Variants in BCAS3 observed in about 807,000 individuals in gnomAD.
BCAS3 encodes the protein BCAS3 microtubule associated cell migration factor, also known as BCAS4/BCAS3 fusion.
Under a neutral mutation model 116.1 loss-of-function variants are expected in BCAS3, and 53 were observed. That is an observed-to-expected ratio of 0.46 (90% CI 0.37 to 0.57). BCAS3 has a LOEUF of 0.57. Ranked by LOEUF, BCAS3 falls within the 20% of genes least tolerant of loss-of-function variation. BCAS3 has a pLI of 0.00. For missense variants in BCAS3, 917 were observed against 1,165.4 expected, an observed-to-expected ratio of 0.79 and a Z score of 3.10; for synonymous variants, 391 against 408.2, an observed-to-expected ratio of 0.96 and a Z score of 0.51.
At chr17:60,775,310 A>G (rs2045165813) in intron 6 of BCAS3, among the ~76,000 whole-genome samples, 1 of 152,138 alleles carries the variant, frequency 6.6e-6, no homozygotes, top group Non-Finnish European at 1.5e-5. Context: ...TAGGTAAAGG[A>G]GTCTTAAACT....
At position 60,956,529 on chromosome 17, in the gene BCAS3, G is replaced by T. The variant is rs570426061; in HGVS notation, c.1221+9177G>T. 3.1e-4 allele frequency among the ~76,000 whole-genome samples: 47 copies of T among 152,120 alleles called. No homozygotes were observed. Among genetic ancestry groups the T allele is most frequent in the African/African-American group, 1.1e-3 (47 of 41,492 alleles). ...TAACACCTATTTTTGATACCTCTTT[G>T]TATTAAAGTTATTTGCCATTTAATT... is the stretch of plus-strand genomic sequence containing the variant. On this transcript the variant is annotated intron_variant, in intron 14 of 23. Coordinates refer to ENST00000407086, the MANE Select transcript of BCAS3 (RefSeq NM_017679.5). The surrounding 1 kb of genome is among the most constrained non-coding windows in gnomAD (Gnocchi z 4.2).
Position 60,947,330 on chromosome 17 carries a change from A to C in BCAS3, c.1199A>C (p.His400Pro). Residue 400 changes from histidine to proline, a missense_variant, in exon 14 of 24, where the codon CAC becomes CCC. By Grantham distance (77) the His-to-Pro change is moderately conservative. Transcript: ENST00000407086. The stretch of plus-strand genomic sequence containing the variant: ...GCTGTCCACCATCTGTATACTCTTC[A>C]CAGGGGAGAAACTGAAGCCAAAGTA... ...QCAVHHLYTL[H>P]RGETEAKVQD... The C allele has an allele frequency of 6.2e-7, 1 of 1,613,442 alleles. No homozygotes were observed. The highest frequency in any genetic ancestry group is 8.5e-7 in the Non-Finnish European group (1 of 1,179,698).
chr17:61,391,948 C>T lies in BCAS3; in HGVS notation c.2594-29C>T. The T allele has an allele frequency of 6.2e-7, 1 of 1,608,498 alleles. No individual in the cohort carries two copies. Among genetic ancestry groups the T allele is most frequent in the South Asian group, 1.1e-5 (1 of 90,542 alleles). On this transcript the variant is annotated intron_variant, in intron 23 of 23. Transcript: ENST00000407086. The surrounding 1 kb of genome is among the most constrained non-coding windows in gnomAD (Gnocchi z 7.7). ...CCCACTCCCCAGACCCAACTCTAAC[C>T]AGGCCTGGCCCTCTCCTGTGTCTTG... is the stretch of plus-strand genomic sequence containing the variant.
At chr17:61,081,376 G>T (rs573034631) in intron 21 of BCAS3, among the ~76,000 whole-genome samples, 1 of 151,836 alleles carries the variant, frequency 6.6e-6, no homozygotes, top group South Asian at 2.1e-4. Flanking sequence ...ATTCTAACTC[G>T]CTTCTTTTAA....
intron 6 of BCAS3, among the ~76,000 whole-genome samples, chr17:60,770,324 C>T (rs2044536934): frequency 6.6e-6 from 1 of 150,992 alleles, no homozygotes; most frequent in African/African-American, 2.4e-5. Context: ...AGTTCATAGT[C>T]CATCCCAGCT....
At chr17:61,155,495 A>C (rs1353867972) in intron 22 of BCAS3, among the ~76,000 whole-genome samples, 1 of 11,866 alleles carries the variant, frequency 8.4e-5, no homozygotes. Flanking sequence ...GAGTGGTAGC[A>C]AAAAAAAAAA....
chr17:60,679,397 C>T, intron 1 of BCAS3, 56 bp from the exon 2 acceptor site: 5 of 1,359,806 alleles, frequency 3.7e-6, no homozygotes, highest in East Asian at 2.3e-5. Context: ...CCTCCCTACC[C>T]CCAACAACGA....
At chr17:60,757,109 G>C (rs2043056842) in intron 6 of BCAS3, among the ~76,000 whole-genome samples, 1 of 151,876 alleles carries the variant, frequency 6.6e-6, no homozygotes, top group Non-Finnish European at 1.5e-5. Flanking sequence ...GTTGCAATGA[G>C]CCGAGATCGC....
At chr17:60,785,350 G>A (rs983516053) in intron 6 of BCAS3, among the ~76,000 whole-genome samples, 1 of 151,812 alleles carries the variant, frequency 6.6e-6, no homozygotes, top group African/African-American at 2.4e-5. Flanking sequence ...GTAGAAATCG[G>A]GTTTCACCAT....
intron 6 of BCAS3, among the ~76,000 whole-genome samples, chr17:60,784,173 A>G (rs2046073597): frequency 6.6e-6 from 1 of 152,062 alleles, no homozygotes; most frequent in South Asian, 2.1e-4. Flanking sequence ...AAAGGAGTGC[A>G]GCATTTATAC....
chr17:61,164,644 G>C (rs920868524), intron 22 of BCAS3, among the ~76,000 whole-genome samples: 1 of 152,178 alleles, frequency 6.6e-6, no homozygotes, highest in Admixed American at 6.5e-5. Context: ...TGCTTGCTCT[G>C]TCACATGCTT....
rs961260252 is a variant in BCAS3, at chr17:61,391,777, G to A, written c.2594-200G>A. 1.6e-6 allele frequency: 1 copy of A among 616,380 alleles called. No individual in the cohort carries two copies. The highest frequency in any genetic ancestry group is 2.0e-5 in the South Asian group (1 of 51,252). 38.2% of individuals were successfully genotyped at this position (616,380 alleles called of 1,614,324 possible). ...CTCTCACACCAGAGTCTGCCAGCCA[G>A]GGGGCTTTCCCTCCCCTGGCTGAGC... is the stretch of plus-strand genomic sequence containing the variant. On this transcript the variant is annotated intron_variant, in intron 23 of 23. Coordinates refer to ENST00000407086, the MANE Select transcript of BCAS3 (RefSeq NM_017679.5). The surrounding 1 kb of genome is among the most constrained non-coding windows in gnomAD (Gnocchi z 7.7).
Position 60,913,185 on chromosome 17 carries a change from T to C in BCAS3, c.993+2483T>C, listed in dbSNP as rs577388457. Among the ~76,000 whole-genome samples the C allele has an allele frequency of 3.3e-5, 5 of 152,208 alleles. No individual in the cohort carries two copies. The East Asian group carries it at 5.8e-4, about 18-fold the overall frequency. On this transcript the variant is annotated intron_variant, in intron 12 of 23. Coordinates refer to ENST00000407086, the MANE Select transcript of BCAS3 (RefSeq NM_017679.5). ...GCATTGATAACACTTGAAACAAATA[T>C]GTTTATTAAGAAGAATCATAGAAAT...
intron 22 of BCAS3, among the ~76,000 whole-genome samples, chr17:61,154,139 A>G (rs1488064810): frequency 1.3e-5 from 2 of 152,114 alleles, no homozygotes; most frequent in African/African-American, 4.8e-5. Flanking sequence ...GCCTTCCTTC[A>G]GTTTGTTTTC....
At chr17:60,786,547 G>A (rs1238925134) in intron 6 of BCAS3, among the ~76,000 whole-genome samples, 8 of 140,702 alleles carry the variant, frequency 5.7e-5, no homozygotes, top group East Asian at 2.1e-4. Flanking sequence ...CTGCAAATGT[G>A]TATATATATA....
chr17:60,947,202 T>G lies in BCAS3; in HGVS notation c.1088-17T>G. The G allele has an allele frequency of 6.2e-7, 1 of 1,602,972 alleles. No homozygotes were observed. The highest frequency in any genetic ancestry group is 8.5e-7 in the Non-Finnish European group (1 of 1,172,460). On this transcript the variant is annotated splice_polypyrimidine_tract_variant and intron_variant, in intron 13 of 23. Coordinates refer to ENST00000407086, the MANE Select transcript of BCAS3 (RefSeq NM_017679.5). ...CATAATCATTTTTATTTTTACCCTT[T>G]GTTTTTTGTCTTCCAGGAATGCTTC...
chr17:60,786,950 A>G (rs1032970548), intron 6 of BCAS3, among the ~76,000 whole-genome samples: 2 of 152,184 alleles, frequency 1.3e-5, no homozygotes, highest in African/African-American at 2.4e-5. Flanking sequence ...TCAAGCCTTC[A>G]TAAAGGTAGA....
At position 61,095,349 on chromosome 17, in the gene BCAS3, T is replaced by G. The variant is rs2073899306; in HGVS notation, c.2425+10785T>G. On this transcript the variant is annotated intron_variant, in intron 22 of 23. Coordinates refer to ENST00000407086, the MANE Select transcript of BCAS3 (RefSeq NM_017679.5). The surrounding 1 kb of genome is among the most constrained non-coding windows in gnomAD (Gnocchi z 4.7). The stretch of plus-strand genomic sequence containing the variant: ...TTTTTATATAGAATGTAATTGATAT[T>G]TCTACATAGAGGCTTTATCATTGTT... 6.6e-6 allele frequency among the ~76,000 whole-genome samples: 1 copy of G among 152,218 alleles called. No individual in the cohort carries two copies. The highest frequency in any genetic ancestry group is 1.5e-5 in the Non-Finnish European group (1 of 68,030).
At chr17:60,951,343 T>C (rs1261725206) in intron 14 of BCAS3, among the ~76,000 whole-genome samples, 1 of 152,228 alleles carries the variant, frequency 6.6e-6, no homozygotes, top group Non-Finnish European at 1.5e-5. Flanking sequence ...TTGACTTCAT[T>C]GTTTTGCCCT....
Sources: gnomAD v4.1 joint callset for allele counts (sites outside exome capture counted in the v4.1 genomes callset) on GRCh38, gnomAD v4.1.1 for gene constraint, Gnocchi (gnomAD v3.1) non-coding constraint, MANE v1.5 for transcripts, NCBI Gene and HGNC (gene_info 2026-07-23, HGNC 2026-07-21) for gene names.